NRG3: variants seen among roughly 807,000 people sequenced by gnomAD.
NRG3 encodes pro-neuregulin-3, membrane-bound isoform.
Under a neutral mutation model 66.9 loss-of-function variants are expected in NRG3, and 31 were observed. That is an observed-to-expected ratio of 0.46 (90% confidence interval 0.35 to 0.63). NRG3 has a LOEUF of 0.63. Ranked by LOEUF, NRG3 falls within the 20% of genes least tolerant of loss-of-function variation. The pLI is 0.00. For missense variants in NRG3, 910 were observed against 878.9 expected (o/e 1.04, Z -0.45); for synonymous variants, 393 against 359.4 (o/e 1.09, Z -1.06).
At chr10:82,015,845 G>A (rs1469103375) in intron 1 of NRG3, among the ~76,000 whole-genome samples, 1 of 151,514 alleles carries the variant, frequency 6.6e-6, no homozygotes, top group East Asian at 1.9e-4. Flanking sequence ...TCTGTGAAAT[G>A]GGTTAATAAT....
At chr10:82,268,005 T>C (rs1157756858) in intron 1 of NRG3, among the ~76,000 whole-genome samples, 2 of 152,194 alleles carry the variant, frequency 1.3e-5, no homozygotes, top group Admixed American at 1.3e-4. Context: ...AGAAAAGATG[T>C]AGTATGATAG....
chr10:82,982,006 C>T (rs1333259290), intron 8 of NRG3, among the ~76,000 whole-genome samples: 1 of 152,132 alleles, frequency 6.6e-6, no homozygotes, highest in Non-Finnish European at 1.5e-5. Context: ...AAATGGCTAG[C>T]CCAAAGTGAC....
At chr10:81,972,966 C>T (rs1018515902) in intron 1 of NRG3, among the ~76,000 whole-genome samples, 1 of 152,132 alleles carries the variant, frequency 6.6e-6, no homozygotes, top group Non-Finnish European at 1.5e-5. Context: ...AGGTTTGTTA[C>T]ATAGGTAAAC....
chr10:82,115,038 T>G (rs1353121415), intron 1 of NRG3, among the ~76,000 whole-genome samples: 1 of 152,162 alleles, frequency 6.6e-6, no homozygotes, highest in East Asian at 1.9e-4. Context: ...CCAATGTTCC[T>G]TCCTGCTTTT....
chr10:82,829,801 TAACA>T (rs543607157), intron 3 of NRG3, among the ~76,000 whole-genome samples: 57 of 152,292 alleles, frequency 3.7e-4, no homozygotes, highest in African/African-American at 1.3e-3. Flanking sequence ...AACAGATTAC[TAACA>T]AACTAATAAA....
At chr10:81,922,762 G>T (rs190003189) in intron 1 of NRG3, among the ~76,000 whole-genome samples, 5 of 151,812 alleles carry the variant, frequency 3.3e-5, no homozygotes, top group African/African-American at 1.2e-4. Context: ...AAGAATTTAC[G>T]TGTGAGCTGG....
In NRG3 at chr10:82,537,623, A is replaced by G. The variant is rs2043249974; in HGVS notation, c.953+178755A>G. 2.6e-5 allele frequency among the ~76,000 whole-genome samples: 4 copies of G among 152,220 alleles called. No individual in the cohort carries two copies. The South Asian group carries it at 8.3e-4, about 32-fold the overall frequency. On this transcript the variant is annotated intron_variant, in intron 2 of 8. Coordinates refer to ENST00000372141, the MANE Select transcript of NRG3 (RefSeq NM_001010848.4). Reference sequence around the variant, plus strand: ...ATTTTAAATTACATAAAAGTGTTATACAGCCTTCAAGTAAGAAAATAAACA... The same window carrying G: ...ATTTTAAATTACATAAAAGTGTTATGCAGCCTTCAAGTAAGAAAATAAACA...
chr10:82,872,559 T>C (rs1205610422), intron 4 of NRG3, among the ~76,000 whole-genome samples: 1 of 152,142 alleles, frequency 6.6e-6, no homozygotes, highest in Non-Finnish European at 1.5e-5. Context: ...CTATATTTAA[T>C]TGACATACAT....
At position 82,907,644 on chromosome 10, in the gene NRG3, T is replaced by A. The variant is rs147223832; in HGVS notation, c.1054+42207T>A. Among the ~76,000 whole-genome samples, 56 of 152,340 alleles carry A rather than the reference T, an allele frequency of 3.7e-4. No individual in the cohort carries two copies. The East Asian group carries it at 8.1e-3, about 22-fold the overall frequency. On this transcript the variant is annotated intron_variant, in intron 4 of 8. Transcript: ENST00000372141. The stretch of plus-strand genomic sequence containing the variant: ...TTCGTAGTTGCTATTAAATAAGAAA[T>A]ATATGTGATGTATGTTATACAACAT...
At chr10:82,785,239 G>C (rs576629742) in intron 3 of NRG3, among the ~76,000 whole-genome samples, 2 of 151,982 alleles carry the variant, frequency 1.3e-5, no homozygotes, top group Non-Finnish European at 2.9e-5. Context: ...AGCATTAGGA[G>C]ATATACCTAA....
chr10:82,799,353 C>G (rs956943646), intron 3 of NRG3, among the ~76,000 whole-genome samples: 5 of 151,898 alleles, frequency 3.3e-5, no homozygotes, highest in African/African-American at 1.2e-4. Flanking sequence ...CGGTGAAACC[C>G]CATCTCTACT....
chr10:82,957,614 A>G (rs1850183337), intron 5 of NRG3, among the ~76,000 whole-genome samples: 1 of 151,902 alleles, frequency 6.6e-6, no homozygotes, highest in South Asian at 2.1e-4. Flanking sequence ...CTTTGCATGA[A>G]GACTATTGCA....
At chr10:82,633,623 G>A (rs2049991053) in intron 2 of NRG3, among the ~76,000 whole-genome samples, 1 of 152,162 alleles carries the variant, frequency 6.6e-6, no homozygotes, top group South Asian at 2.1e-4. Context: ...AGATGTCCAA[G>A]CATCAGGAGT....
intron 4 of NRG3, among the ~76,000 whole-genome samples, chr10:82,901,312 A>G (rs537678568): frequency 6.6e-6 from 1 of 152,256 alleles, no homozygotes; most frequent in East Asian, 1.9e-4. Context: ...ATGCCTCTCC[A>G]AAGGTTTTGA....
chr10:82,476,354 G>A (rs777805926), intron 2 of NRG3, among the ~76,000 whole-genome samples: 1 of 152,048 alleles, frequency 6.6e-6, no homozygotes, highest in Non-Finnish European at 1.5e-5. Flanking sequence ...TCACTTGTAG[G>A]TATATACTCG....
rs550970102 is a variant in NRG3, at chr10:82,961,272, C to T, written c.1284+2197C>T. On this transcript the variant is annotated intron_variant, in intron 6 of 8. Coordinates refer to ENST00000372141, the MANE Select transcript of NRG3 (RefSeq NM_001010848.4). Reference sequence around the variant, plus strand: ...TGATTAAAATCAATAGACATACAACCCATATTGATGGATTGGAAAAATTAA... The same window carrying T: ...TGATTAAAATCAATAGACATACAACTCATATTGATGGATTGGAAAAATTAA... 2.0e-5 allele frequency among the ~76,000 whole-genome samples: 3 copies of T among 152,100 alleles called. No homozygotes were observed. The South Asian group carries it at 6.2e-4, about 32-fold the overall frequency.
rs188699453 is a variant in NRG3 at position 82,666,529 on chromosome 10, T to A, written c.954-72048T>A. Among the ~76,000 whole-genome samples, 973 of 152,300 alleles carry A rather than the reference T, an allele frequency of 6.4e-3. 8 individuals carry two copies. Among genetic ancestry groups the A allele is most frequent in the South Asian group, 0.039 (188 of 4,828 alleles). On this transcript the variant is annotated intron_variant, in intron 2 of 8. Transcript: ENST00000372141. Reference sequence around the variant, plus strand: ...TTCCCTTATTTGCATCTAAAAAAAATTGATTTTCTGTCTCTCAGATCCATC... The same window carrying A: ...TTCCCTTATTTGCATCTAAAAAAAAATGATTTTCTGTCTCTCAGATCCATC...
chr10:82,688,769 GA>G (rs66722309), intron 2 of NRG3, among the ~76,000 whole-genome samples: 30,705 of 136,786 alleles, frequency 0.22, 3,307 homozygotes, highest in Middle Eastern at 0.36. Context: ...GTCTTTTTTA[GA>G]AAAAAAAAAA....
intron 2 of NRG3, among the ~76,000 whole-genome samples, chr10:82,530,744 T>A (rs962494999): frequency 2.0e-5 from 3 of 151,890 alleles, no homozygotes; most frequent in Non-Finnish European, 4.4e-5. Flanking sequence ...AACATTGAAT[T>A]TTAGAATTCC....
Sources: allele counts gnomAD v4.1 joint callset (sites outside exome capture counted in the v4.1 genomes callset), GRCh38; gene constraint gnomAD v4.1.1; transcripts MANE v1.5; gene names NCBI Gene and HGNC (gene_info 2026-07-23, HGNC 2026-07-21).